The following GDF7 variants were observed in gnomAD, a reference collection of about 807,000 sequenced individuals.
GDF7 encodes the protein growth differentiation factor 7.
A neutral mutation model predicts 13.4 loss-of-function variants in GDF7; 12 were observed. The observed-to-expected ratio is 0.90, with a 90% CI of 0.57 to 1.45. The LOEUF is 1.45. Among genes scored for constraint, GDF7 ranks in the 40% most tolerant of loss-of-function variants. The pLI is 0.00. For missense variants in GDF7, 651 were observed against 652.4 expected (o/e 1.00, Z 0.02); for synonymous variants, 330 against 306.4 (o/e 1.08, Z -0.80).
In GDF7 at chr2:20,667,381, G is replaced by GGCGGCA; in HGVS notation, c.147_148insAGCGGC (p.Gly49_Gly50insSerGly). On this transcript the variant is annotated inframe_insertion, in exon 1 of 2. Transcript: ENST00000272224. The surrounding 1 kb of genome is among the most constrained non-coding windows in gnomAD (Gnocchi z 6.4). ...CCCAGGGGGCGGCGGCGGCGGCGGC[G>GGCGGCA]GCGGCGGGCGGACTCTTGCCCAGGC... 1.0e-6 allele frequency: 1 copy of GGCGGCA among 969,180 alleles called. No individual in the cohort carries two copies. Among genetic ancestry groups the GGCGGCA allele is most frequent in the Non-Finnish European group, 1.2e-6 (1 of 817,008 alleles). The allele number at this position is 969,180 out of a possible 1,614,324, so 60.0% of individuals were successfully genotyped here.
chr2:20,667,706 T>A lies in GDF7; in HGVS notation c.391+76T>A. ...ACCAGCCCCGGAGCCGTGCCGCAGC[T>A]CCGTTACATTTGGAGCCGCGGCCCC... On this transcript the variant is annotated intron_variant, in intron 1 of 1. Coordinates refer to ENST00000272224, the MANE Select transcript of GDF7 (RefSeq NM_182828.4). The surrounding 1 kb of genome is among the most constrained non-coding windows in gnomAD (Gnocchi z 6.4). 8.6e-7 allele frequency: 1 copy of A among 1,159,906 alleles called. No individual in the cohort carries two copies. 71.9% of individuals were successfully genotyped at this position (1,159,906 alleles called of 1,614,324 possible). A position where few individuals can be genotyped will look rare whatever the true frequency, so the allele number is the denominator to read the frequency against.
rs770415614 is a variant in GDF7, at chr2:20,670,490, A to C, written c.418A>C (p.Ser140Arg). Residue 140 changes from serine to arginine, a missense_variant, in exon 2 of 2, where the codon AGC becomes CGC. Coordinates refer to ENST00000272224, the MANE Select transcript of GDF7 (RefSeq NM_182828.4). ...QDESAAETGQSFLFDVSSLND... is the reference protein window; with the variant it reads ...QDESAAETGQRFLFDVSSLND... ...CGAATCGGCAGCCGAAACAGGCCAG[A>C]GCTTCCTGTTCGACGTGTCCAGCCT... is the stretch of plus-strand genomic sequence containing the variant. The C allele has an allele frequency of 6.4e-6, 10 of 1,569,706 alleles. No individual in the cohort carries two copies. The South Asian group carries it at 1.2e-4, about 18-fold the overall frequency.
chr2:20,667,416 C>T lies in GDF7; in HGVS notation c.177C>T (p.Ala59=). The T allele has an allele frequency of 1.1e-6, 1 of 891,944 alleles. No individual in the cohort carries two copies. Among genetic ancestry groups the T allele is most frequent in the Non-Finnish European group, 1.3e-6 (1 of 748,654 alleles). 55.3% of individuals were successfully genotyped at this position (891,944 alleles called of 1,614,324 possible). A position where few individuals can be genotyped will look rare whatever the true frequency, so the allele number is the denominator to read the frequency against. Residue 59 remains alanine (A), a synonymous_variant, in exon 1 of 2, where the codon GCC becomes GCT. Coordinates refer to ENST00000272224, the MANE Select transcript of GDF7 (RefSeq NM_182828.4). The surrounding 1 kb of genome is among the most constrained non-coding windows in gnomAD (Gnocchi z 6.4). ...GGACTCTTGCCCAGGCTGCGGGCGC[C>T]GCGGCTGTCCCGGCCGCCGCGGTTC... ...GGRTLAQAAG[A]AAVPAAAVPR... is the part of the protein sequence containing the mutation.
rs1662142777 is a variant in GDF7, at chr2:20,672,288, C to G, written c.*863C>G. 6.6e-6 allele frequency: 1 copy of G among 152,186 alleles called. No homozygotes were observed. Among genetic ancestry groups the G allele is most frequent in the South Asian group, 2.1e-4 (1 of 4,828 alleles). The allele number at this position is 152,186 out of a possible 1,614,324, so 9.4% of individuals were successfully genotyped here. ...CCAGTTGGTCAGGGGGAGGTGGGAG[C>G]CATGCCTCGGGTGGCTCAGGAGGAA... On this transcript the variant is annotated 3_prime_UTR_variant, in exon 2 of 2. Transcript: ENST00000272224.
At position 20,676,196 on chromosome 2, in the gene GDF7, C is replaced by G. The variant is rs1244484665; in HGVS notation, c.*4771C>G. ...CCCCTCCTCACCACCATGCCCATGT[C>G]TGGCTCTGAGGTCCCCTTGCAGCTT... On this transcript the variant is annotated 3_prime_UTR_variant, in exon 2 of 2. Transcript: ENST00000272224. The G allele has an allele frequency of 6.6e-6, 1 of 152,438 alleles. No homozygotes were observed. Among genetic ancestry groups the G allele is most frequent in the Non-Finnish European group, 1.5e-5 (1 of 68,184 alleles). 9.4% of individuals were successfully genotyped at this position (152,438 alleles called of 1,614,324 possible). A position where few individuals can be genotyped will look rare whatever the true frequency, so the allele number is the denominator to read the frequency against.
Position 20,670,459 on chromosome 2 carries a change from C to G in GDF7, c.392-5C>G, listed in dbSNP as rs1352283413. ...TTTCTCTCTGTCCCTGCCGGTCCCCCGCAGACGAATCGGCAGCCGAAACAG... is the reference window on the plus strand; with the variant it reads ...TTTCTCTCTGTCCCTGCCGGTCCCCGGCAGACGAATCGGCAGCCGAAACAG... On this transcript the variant is annotated splice_region_variant and splice_polypyrimidine_tract_variant and intron_variant, in intron 1 of 1. Coordinates refer to ENST00000272224, the MANE Select transcript of GDF7 (RefSeq NM_182828.4). The G allele has an allele frequency of 6.5e-7, 1 of 1,530,260 alleles. No homozygotes were observed. The highest frequency in any genetic ancestry group is 8.8e-7 in the Non-Finnish European group (1 of 1,137,424). The allele number at this position is 1,530,260 out of a possible 1,614,324, so 94.8% of individuals were successfully genotyped here.
rs1372036800 is a variant in GDF7 at position 20,675,481 on chromosome 2, C to T, written c.*4056C>T. The stretch of plus-strand genomic sequence containing the variant: ...TCCGAGTGCCCAGAGGCAGCTGCTC[C>T]CACAGCACGGACTGCGCCCGCCAGG... On this transcript the variant is annotated 3_prime_UTR_variant, in exon 2 of 2. Transcript: ENST00000272224. The T allele has an allele frequency of 1.3e-5, 2 of 152,262 alleles. No homozygotes were observed. The highest frequency in any genetic ancestry group is 1.5e-5 in the Non-Finnish European group (1 of 68,072). 9.4% of individuals were successfully genotyped at this position (152,262 alleles called of 1,614,324 possible).
rs1409804944 is a variant in GDF7, at chr2:20,675,816, A to T, written c.*4391A>T. ...GTGTGTCCATTTTACTCCTATCCTT[A>T]ATAGGTGCCTCATGGATGTGCTTTG... On this transcript the variant is annotated 3_prime_UTR_variant, in exon 2 of 2. Transcript: ENST00000272224. 6.6e-6 allele frequency: 1 copy of T among 152,154 alleles called. No individual in the cohort carries two copies. The highest frequency in any genetic ancestry group is 1.5e-5 in the Non-Finnish European group (1 of 68,118). 9.4% of individuals were successfully genotyped at this position (152,154 alleles called of 1,614,324 possible).
In GDF7 at chr2:20,667,369, G is replaced by GGCGGCGGCA; in HGVS notation, c.138_139insAGCGGCGGC (p.Gly46_Gly47insSerGlyGly). The GGCGGCGGCA allele has an allele frequency of 1.1e-6, 1 of 939,424 alleles. No individual in the cohort carries two copies. The highest frequency in any genetic ancestry group is 1.1e-4 in the East Asian group (1 of 8,940). The allele number at this position is 939,424 out of a possible 1,614,324, so 58.2% of individuals were successfully genotyped here. A position where few individuals can be genotyped will look rare whatever the true frequency, so the allele number is the denominator to read the frequency against. On this transcript the variant is annotated inframe_insertion, in exon 1 of 2. Coordinates refer to ENST00000272224, the MANE Select transcript of GDF7 (RefSeq NM_182828.4). This position sits in a 1 kb window ranked among gnomAD's most constrained non-coding sequence, Gnocchi z 6.4. ...GCCGGTCCGGAGCCCAGGGGGCGGC[G>GGCGGCGGCA]GCGGCGGCGGCGGCGGCGGGCGGAC...
At position 20,671,087 on chromosome 2, in the gene GDF7, C is replaced by G. The variant is rs753433038; in HGVS notation, c.1015C>G (p.Arg339Gly). 6.5e-7 allele frequency: 1 copy of G among 1,537,244 alleles called. No homozygotes were observed. The change falls in exon 2 of 2, where the codon CGG becomes GGG. Residue 339 changes from arginine to glycine, a missense_variant. By Grantham distance (125) the Arg-to-Gly change is moderately radical (BLOSUM62 -2). Coordinates refer to ENST00000272224, the MANE Select transcript of GDF7 (RefSeq NM_182828.4). ...GCAGGGCAGCGGCGGGGGCGCGGGCCGGGGCCACGGGCGCAGGGGCCGGAG... is the reference window on the plus strand; with the variant it reads ...GCAGGGCAGCGGCGGGGGCGCGGGCGGGGGCCACGGGCGCAGGGGCCGGAG... ...TAQGSGGGAGRGHGRRGRSRC... is the reference protein window; with the variant it reads ...TAQGSGGGAGGGHGRRGRSRC...
Position 20,673,689 on chromosome 2 carries a change from T to C in GDF7, c.*2264T>C, listed in dbSNP as rs1079171. 54,242 of 152,108 alleles carry C rather than the reference T, an allele frequency of 0.36. 10,705 individuals are homozygous for C. Among genetic ancestry groups the C allele is most frequent in the Admixed American group, 0.5 (7,670 of 15,292 alleles). The allele number at this position is 152,108 out of a possible 1,614,324, so 9.4% of individuals were successfully genotyped here. ...GTCTTGATTTAGCCTGGCCTTTTTATAGTAGGGAAAAAAACTGTCAATTTC... is the reference window on the plus strand; with the variant it reads ...GTCTTGATTTAGCCTGGCCTTTTTACAGTAGGGAAAAAAACTGTCAATTTC... On this transcript the variant is annotated 3_prime_UTR_variant, in exon 2 of 2. Coordinates refer to ENST00000272224, the MANE Select transcript of GDF7 (RefSeq NM_182828.4).
In GDF7 at chr2:20,671,158, C is replaced by T. The variant is rs1662117987; in HGVS notation, c.1086C>T (p.Gly362=). Residue 362 remains glycine (G), a synonymous_variant, in exon 2 of 2, where the codon GGC becomes GGT. Coordinates refer to ENST00000272224, the MANE Select transcript of GDF7 (RefSeq NM_182828.4). ...KPLHVDFKEL[G]WDDWIIAPLD... is the part of the protein sequence containing the mutation. ...TGCACGTGGACTTCAAGGAGCTCGG[C>T]TGGGACGACTGGATCATCGCGCCGC... is the stretch of plus-strand genomic sequence containing the variant. 6.2e-7 allele frequency: 1 copy of T among 1,613,072 alleles called. No individual in the cohort carries two copies. The highest frequency in any genetic ancestry group is 8.5e-7 in the Non-Finnish European group (1 of 1,179,812).
chr2:20,667,394 C>T lies in GDF7; in HGVS notation c.155C>T (p.Thr52Ile), dbSNP rs1251049721. 6 of 80,888 alleles carry T rather than the reference C, an allele frequency of 7.4e-5. No homozygotes were observed. The allele number at this position is 80,888 out of a possible 1,614,324, so 5.0% of individuals were successfully genotyped here. A position where few individuals can be genotyped will look rare whatever the true frequency, so the allele number is the denominator to read the frequency against. Residue 52 changes from threonine (T) to isoleucine (I), a missense_variant, in exon 1 of 2, where the codon ACT (threonine) becomes ATT (isoleucine). This residue lies in a region of GDF7 where 2 missense variants were observed against 16.8 expected (regional missense o/e 0.12). Coordinates refer to ENST00000272224, the MANE Select transcript of GDF7 (RefSeq NM_182828.4). This position sits in a 1 kb window ranked among gnomAD's most constrained non-coding sequence, Gnocchi z 6.4. ...GGCGGCGGCGGCGGCGGCGGGCGGA[C>T]TCTTGCCCAGGCTGCGGGCGCCGCG... is the stretch of plus-strand genomic sequence containing the variant. Reference protein sequence around the residue: ...GGGGGGGGGRTLAQAAGAAAV... With the variant: ...GGGGGGGGGRILAQAAGAAAV...
chr2:20,669,946 C>G (rs1032232426), intron 1 of GDF7, among the ~76,000 whole-genome samples: 1 of 152,216 alleles, frequency 6.6e-6, no homozygotes, highest in African/African-American at 2.4e-5. Flanking sequence ...TTTCAGGAGA[C>G]CAGAATTTTC....
In GDF7 at chr2:20,675,702, C is replaced by T. The variant is rs949243447; in HGVS notation, c.*4277C>T. On this transcript the variant is annotated 3_prime_UTR_variant, in exon 2 of 2. Coordinates refer to ENST00000272224, the MANE Select transcript of GDF7 (RefSeq NM_182828.4). ...CTTGAAGGCAGAGCAAATGTGATGGCTCCTGGAGAAGGTCCTCTCCCAATC... is the reference window on the plus strand; with the variant it reads ...CTTGAAGGCAGAGCAAATGTGATGGTTCCTGGAGAAGGTCCTCTCCCAATC... 1.2e-4 allele frequency: 18 copies of T among 152,348 alleles called. No homozygotes were observed. Among genetic ancestry groups the T allele is most frequent in the Admixed American group, 1.2e-3 (18 of 15,292 alleles). 9.4% of individuals were successfully genotyped at this position (152,348 alleles called of 1,614,324 possible).
chr2:20,667,380 C>CGGCGGCGGT lies in GDF7; in HGVS notation c.149_150insTGGCGGCGG (p.Gly48_Gly50dup), dbSNP rs1191787427. 5.2e-6 allele frequency: 5 copies of CGGCGGCGGT among 966,452 alleles called. No individual in the cohort carries two copies. Among genetic ancestry groups the CGGCGGCGGT allele is most frequent in the South Asian group, 4.6e-5 (1 of 21,890 alleles). The allele number at this position is 966,452 out of a possible 1,614,324, so 59.9% of individuals were successfully genotyped here. The stretch of plus-strand genomic sequence containing the variant: ...GCCCAGGGGGCGGCGGCGGCGGCGG[C>CGGCGGCGGT]GGCGGCGGGCGGACTCTTGCCCAGG... On this transcript the variant is annotated inframe_insertion, in exon 1 of 2. Transcript: ENST00000272224. The surrounding 1 kb of genome is among the most constrained non-coding windows in gnomAD (Gnocchi z 6.4).
chr2:20,669,816 G>T (rs892835429), intron 1 of GDF7, among the ~76,000 whole-genome samples: 2 of 152,246 alleles, frequency 1.3e-5, no homozygotes, highest in African/African-American at 4.8e-5. Flanking sequence ...GGACTAGAAG[G>T]TCTCTGCGGC....
At position 20,670,753 on chromosome 2, in the gene GDF7, C is replaced by A. The variant is rs1323604928; in HGVS notation, c.681C>A (p.Pro227=). The A allele has an allele frequency of 2.0e-6, 3 of 1,485,532 alleles. No individual in the cohort carries two copies. Among genetic ancestry groups the A allele is most frequent in the South Asian group, 1.3e-5 (1 of 77,424 alleles). The allele number at this position is 1,485,532 out of a possible 1,614,324, so 92.0% of individuals were successfully genotyped here. ...GCCACCGTCGTGAACCGCGCCCCCCCCGCGCGTTCTGCCTCTTGCTGCGCG... is the reference window on the plus strand; with the variant it reads ...GCCACCGTCGTGAACCGCGCCCCCCACGCGCGTTCTGCCTCTTGCTGCGCG... The part of the protein sequence containing the change: ...MRRHRREPRP[P]RAFCLLLRAV... The change falls in exon 2 of 2, where the codon CCC becomes CCA. Residue 227 remains proline (P), a synonymous_variant. Coordinates refer to ENST00000272224, the MANE Select transcript of GDF7 (RefSeq NM_182828.4).
Position 20,671,476 on chromosome 2 carries a change from G to T in GDF7, c.*51G>T. 6.4e-7 allele frequency: 1 copy of T among 1,566,072 alleles called. No homozygotes were observed. The highest frequency in any genetic ancestry group is 1.2e-5 in the South Asian group (1 of 83,372). On this transcript the variant is annotated 3_prime_UTR_variant, in exon 2 of 2. Coordinates refer to ENST00000272224, the MANE Select transcript of GDF7 (RefSeq NM_182828.4). Reference sequence around the variant, plus strand: ...ACGCGGCCGAGGATCCCCAGCTGATGAGCAGCAGCGGGCCACCCTGTCACC... The same window carrying T: ...ACGCGGCCGAGGATCCCCAGCTGATTAGCAGCAGCGGGCCACCCTGTCACC...
Sources: gnomAD v4.1 joint callset for allele counts (sites outside exome capture counted in the v4.1 genomes callset) on GRCh38, gnomAD v4.1.1 for gene constraint, gnomAD v4.1.1 regional missense constraint, Gnocchi (gnomAD v3.1) non-coding constraint, MANE v1.5 for transcripts, NCBI Gene and HGNC (gene_info 2026-07-23, HGNC 2026-07-21) for gene names.